Variants in TRDN observed in about 807,000 individuals in gnomAD.
TRDN encodes the protein triadin.
A neutral mutation model predicts 149.7 loss-of-function variants in TRDN; 161 were observed. The ratio of observed to expected loss-of-function variants is 1.08; its 90% CI spans 0.95 to 1.23. The LOEUF (loss-of-function observed/expected upper bound fraction) is 1.23, where lower values mean the gene tolerates loss of function less well. TRDN is among the 50% of genes most tolerant of loss of function. The pLI is 0.00. For synonymous variants in TRDN, 294 were observed against 250.5 expected, an observed-to-expected ratio of 1.17 and a Z score of -1.64; for missense variants, 896 against 823.5, an observed-to-expected ratio of 1.09 and a Z score of -1.08.
intron 10 of TRDN, among the ~76,000 whole-genome samples, chr6:123,450,061 A>G (rs13217646): frequency 0.13 from 19,806 of 152,256 alleles, 1,813 homozygotes; most frequent in South Asian, 0.28. Flanking sequence ...AAGAACTGCT[A>G]AAAGGAGCTC....
At chr6:123,511,120 C>T (rs1366718296) in intron 7 of TRDN, among the ~76,000 whole-genome samples, 3 of 152,072 alleles carry the variant, frequency 2.0e-5, no homozygotes, top group African/African-American at 4.8e-5. Flanking sequence ...TCAGGTCTTA[C>T]GTTTAAGTCT....
chr6:123,546,945 A>C (rs1781142208), intron 4 of TRDN, among the ~76,000 whole-genome samples: 1 of 152,048 alleles, frequency 6.6e-6, no homozygotes, highest in Admixed American at 6.6e-5. Context: ...CAAAATAATG[A>C]TGGCAAAAAA....
intron 12 of TRDN, among the ~76,000 whole-genome samples, chr6:123,422,411 C>T (rs1008601384): frequency 6.6e-6 from 1 of 152,048 alleles, no homozygotes; most frequent in Admixed American, 6.6e-5. Context: ...TTATCCAAAA[C>T]TTTAACTAAG....
chr6:123,567,472 C>A (rs1460302232), intron 2 of TRDN, among the ~76,000 whole-genome samples: 4 of 152,096 alleles, frequency 2.6e-5, no homozygotes, highest in Admixed American at 1.3e-4. Context: ...AAAAGAAGTT[C>A]ATTTGGCTCA....
Position 123,439,016 on chromosome 6 carries a change from T to A in TRDN, c.932-13A>T. ...TCCCCTTCTTTTTCTAGAGAATACATTTAAAATATTTCCTTTAGGGAAATT... is the reference window on the plus strand; with the variant it reads ...TCCCCTTCTTTTTCTAGAGAATACAATTAAAATATTTCCTTTAGGGAAATT... On this transcript the variant is annotated splice_polypyrimidine_tract_variant and intron_variant, in intron 10 of 40. Transcript: ENST00000334268. 1 of 1,535,304 alleles carries A rather than the reference T, an allele frequency of 6.5e-7. No individual in the cohort carries two copies. The highest frequency in any genetic ancestry group is 8.8e-7 in the Non-Finnish European group (1 of 1,137,890).
chr6:123,493,895 C>T (rs1471819746), intron 9 of TRDN, among the ~76,000 whole-genome samples: 1 of 152,078 alleles, frequency 6.6e-6, no homozygotes, highest in Non-Finnish European at 1.5e-5. Flanking sequence ...TTTCTCACTC[C>T]ATGTTTTGTA....
chr6:123,433,490 A>G (rs939311920), intron 12 of TRDN, among the ~76,000 whole-genome samples: 5 of 152,030 alleles, frequency 3.3e-5, no homozygotes, highest in African/African-American at 1.2e-4. Flanking sequence ...AAAGCTTGGC[A>G]TATAGTAGGC....
intron 10 of TRDN, among the ~76,000 whole-genome samples, chr6:123,439,416 A>C (rs913346745): frequency 6.6e-6 from 1 of 152,224 alleles, no homozygotes; most frequent in Non-Finnish European, 1.5e-5. Context: ...TATACATTTA[A>C]TTTCATTAGA....
At chr6:123,529,139 T>G (rs958855865) in intron 5 of TRDN, 1 of 1,524,222 alleles carries the variant, frequency 6.6e-7, no homozygotes, top group Non-Finnish European at 8.8e-7. Flanking sequence ...GCACTGTTAT[T>G]AAATTAATAG....
intron 38 of TRDN, among the ~76,000 whole-genome samples, chr6:123,232,262 G>C (rs1215791102): frequency 6.6e-6 from 1 of 151,974 alleles, no homozygotes; most frequent in Admixed American, 6.6e-5. Context: ...TTTCAAAAAG[G>C]GCAGGCGACC....
rs117109622 is a variant in TRDN, at chr6:123,632,189, G to T, written c.22+4565C>A. ...CTTATTTGAAGTAACTGGGTTGTTTGTACTGTAGAGGTTCCCAGAGCCTAC... is the reference window on the plus strand; with the variant it reads ...CTTATTTGAAGTAACTGGGTTGTTTTTACTGTAGAGGTTCCCAGAGCCTAC... On this transcript the variant is annotated intron_variant, in intron 1 of 40. Transcript: ENST00000334268. Among the ~76,000 whole-genome samples the T allele has an allele frequency of 5.9e-3, 902 of 152,160 alleles. 3 individuals carry two copies. The highest frequency in any genetic ancestry group is 0.017 in the Middle Eastern group (5 of 294).
chr6:123,421,892 T>A (rs1206902799), intron 12 of TRDN, among the ~76,000 whole-genome samples: 1 of 151,566 alleles, frequency 6.6e-6, no homozygotes, highest in Non-Finnish European at 1.5e-5. Context: ...GAGGACTGCT[T>A]GAGCCTAGGG....
intron 38 of TRDN, among the ~76,000 whole-genome samples, chr6:123,243,334 C>A (rs557525089): frequency 6.6e-6 from 1 of 152,156 alleles, no homozygotes; most frequent in African/African-American, 2.4e-5. Flanking sequence ...AACTGTTACA[C>A]CAGATGCATA....
chr6:123,401,619 T>G (rs1261597481), intron 12 of TRDN, among the ~76,000 whole-genome samples: 1 of 152,060 alleles, frequency 6.6e-6, no homozygotes, highest in Non-Finnish European at 1.5e-5. Context: ...GTTTTAGAGA[T>G]TGGCAATTTT....
intron 12 of TRDN, among the ~76,000 whole-genome samples, chr6:123,418,891 A>G (rs1457111963): frequency 6.6e-6 from 1 of 152,080 alleles, no homozygotes; most frequent in Non-Finnish European, 1.5e-5. Flanking sequence ...GCAGAAGAGA[A>G]TCACCCAAGG....
At chr6:123,387,440 T>C (rs1781946801) in intron 14 of TRDN, among the ~76,000 whole-genome samples, 1 of 152,180 alleles carries the variant, frequency 6.6e-6, no homozygotes, top group African/African-American at 2.4e-5. Flanking sequence ...TTATTACTTT[T>C]GTGACTATTA....
At position 123,217,228 on chromosome 6, in the gene TRDN, C is replaced by A. The variant is rs1774996200; in HGVS notation, c.*1373G>T. 6.6e-6 allele frequency: 1 copy of A among 151,910 alleles called. No individual in the cohort carries two copies. The highest frequency in any genetic ancestry group is 2.1e-4 in the South Asian group (1 of 4,822). 9.4% of individuals were successfully genotyped at this position (151,910 alleles called of 1,614,324 possible). A position where few individuals can be genotyped will look rare whatever the true frequency, so the allele number is the denominator to read the frequency against. On this transcript the variant is annotated 3_prime_UTR_variant, in exon 41 of 41. Transcript: ENST00000334268. The stretch of plus-strand genomic sequence containing the variant: ...ATTAGTAATGAATGTATTACTGATA[C>A]CTAGCCTAATGATTTTTAGTGACTG...
intron 6 of TRDN, 150 bp downstream of exon 6, chr6:123,515,991 C>G: frequency 2.3e-6 from 2 of 884,156 alleles, no homozygotes; most frequent in Non-Finnish European, 3.0e-6. Flanking sequence ...TCTCTCAATC[C>G]AGAAATTCCT....
chr6:123,275,049 A>T (rs1366200517), intron 26 of TRDN, among the ~76,000 whole-genome samples: 1 of 152,118 alleles, frequency 6.6e-6, no homozygotes, highest in African/African-American at 2.4e-5. Context: ...ACATAAGATA[A>T]ATTATTTTAA....
Sources: gnomAD v4.1 joint callset for allele counts (sites outside exome capture counted in the v4.1 genomes callset) on GRCh38, gnomAD v4.1.1 for gene constraint, MANE v1.5 for transcripts, NCBI Gene and HGNC (gene_info 2026-07-23, HGNC 2026-07-21) for gene names.